The following C8orf34 variants were observed in gnomAD, a reference collection of about 807,000 sequenced individuals.
C8orf34 encodes the protein chromosome 8 open reading frame 34.
In C8orf34, 65 loss-of-function variants were observed where a neutral mutation model predicts 68.3. The ratio of observed to expected loss-of-function variants is 0.95; its 90% confidence interval spans 0.78 to 1.17. C8orf34 has a LOEUF of 1.17. Among genes scored for constraint, C8orf34 ranks in the 50% most tolerant of loss-of-function variants. The pLI, the probability that C8orf34 is intolerant of heterozygous loss-of-function variation, is 0.00. For missense variants in C8orf34, 664 were observed against 655.4 expected (o/e 1.01, Z -0.14); for synonymous variants, 244 against 241.2 (o/e 1.01, Z -0.11).
chr8:68,606,130 G>A (rs1203963708), intron 7 of C8orf34, among the ~76,000 whole-genome samples: 1 of 152,034 alleles, frequency 6.6e-6, no homozygotes. Flanking sequence ...GCAATATGAC[G>A]CATAAATGAT....
intron 7 of C8orf34, chr8:68,534,455 T>A: frequency 1.4e-6 from 1 of 697,070 alleles, no homozygotes; most frequent in Non-Finnish European, 1.8e-6. Flanking sequence ...AATTTTACAT[T>A]GTAATGTTCA....
chr8:68,427,107 G>C (rs572481051), intron 1 of C8orf34, among the ~76,000 whole-genome samples: 1 of 152,206 alleles, frequency 6.6e-6, no homozygotes, highest in East Asian at 1.9e-4. Flanking sequence ...AAATTGCATA[G>C]TGACTCTGAA....
intron 10 of C8orf34, among the ~76,000 whole-genome samples, chr8:68,775,070 GAAAA>G (rs35109353): frequency 8.0e-6 from 1 of 124,268 alleles, no homozygotes. Context: ...GTAAGCCCAG[GAAAA>G]AAAAAAAAAA....
intron 10 of C8orf34, among the ~76,000 whole-genome samples, chr8:68,768,397 C>T (rs774051009): frequency 5.3e-5 from 8 of 152,182 alleles, no homozygotes; most frequent in Non-Finnish European, 1.2e-4. Context: ...CAGGGCTGCT[C>T]ATTGCCCCTG....
chr8:68,593,707 T>A (rs1817462555), intron 7 of C8orf34, among the ~76,000 whole-genome samples: 1 of 152,084 alleles, frequency 6.6e-6, no homozygotes, highest in Admixed American at 6.6e-5. Flanking sequence ...GATTTAGCTA[T>A]CTATTAATCT....
Position 68,592,924 on chromosome 8 carries a change from T to G in C8orf34, c.1106-47452T>G, listed in dbSNP as rs189676742. The stretch of plus-strand genomic sequence containing the variant: ...TCCATCTTTTGTTCTTTTTCTTCTT[T>G]TATTCGATGTGTTGAGCAGTGGCTT... On this transcript the variant is annotated intron_variant, in intron 7 of 13. Transcript: ENST00000518698. Among the ~76,000 whole-genome samples, 3 of 152,234 alleles carry G rather than the reference T, an allele frequency of 2.0e-5. No individual in the cohort carries two copies. In the East Asian group the frequency reaches 5.8e-4, roughly 29 times the overall value.
chr8:68,603,444 C>CCA (rs1817758055), intron 7 of C8orf34, among the ~76,000 whole-genome samples: 1 of 151,734 alleles, frequency 6.6e-6, no homozygotes, highest in Non-Finnish European at 1.5e-5. Context: ...TCCAGTTGTT[C>CCA]ATCTGGAATA....
intron 1 of C8orf34, among the ~76,000 whole-genome samples, chr8:68,429,429 G>A (rs1810362386): frequency 2.0e-5 from 3 of 152,154 alleles, no homozygotes; most frequent in Admixed American, 2.0e-4. Flanking sequence ...GGGAATGCGG[G>A]TGGGAGACAA....
chr8:68,804,625 A>T (rs1284107135), intron 12 of C8orf34, among the ~76,000 whole-genome samples: 2 of 152,092 alleles, frequency 1.3e-5, no homozygotes, highest in Non-Finnish European at 2.9e-5. Flanking sequence ...TACTAAAAGT[A>T]CTTTTAAAAT....
intron 1 of C8orf34, among the ~76,000 whole-genome samples, chr8:68,433,863 T>C (rs1448598574): frequency 6.6e-6 from 1 of 152,216 alleles, no homozygotes; most frequent in South Asian, 2.1e-4. Context: ...ACTTATGGCT[T>C]TGCTTTTATC....
At chr8:68,573,264 T>C (rs919800035) in intron 7 of C8orf34, among the ~76,000 whole-genome samples, 3 of 152,116 alleles carry the variant, frequency 2.0e-5, no homozygotes, top group Admixed American at 1.3e-4. Flanking sequence ...CTTCACTTGA[T>C]GAAATGTGGG....
At chr8:68,590,616 A>C (rs932149751) in intron 7 of C8orf34, among the ~76,000 whole-genome samples, 3 of 152,220 alleles carry the variant, frequency 2.0e-5, no homozygotes, top group Admixed American at 1.3e-4. Flanking sequence ...TTAAACTTTT[A>C]AAAATGAAAT....
chr8:68,658,880 A>G (rs1324544098), intron 8 of C8orf34, among the ~76,000 whole-genome samples: 1 of 152,150 alleles, frequency 6.6e-6, no homozygotes, highest in African/African-American at 2.4e-5. Context: ...GTTTTAAAAT[A>G]TATTGCTTTA....
chr8:68,520,375 T>C lies in C8orf34; in HGVS notation c.766-1424T>C, dbSNP rs904066043. Among the ~76,000 whole-genome samples the C allele has an allele frequency of 2.6e-5, 4 of 152,250 alleles. No homozygotes were observed. The South Asian group carries it at 6.2e-4, about 24-fold the overall frequency. ...TACTGTAAGATTATATTGTATTATA[T>C]TCTGTACTGAAATGTAGAATATGTT... On this transcript the variant is annotated intron_variant, in intron 5 of 13. Coordinates refer to ENST00000518698, the MANE Select transcript of C8orf34 (RefSeq NM_052958.4).
At chr8:68,548,365 A>G (rs1349094894) in intron 7 of C8orf34, among the ~76,000 whole-genome samples, 1 of 151,836 alleles carries the variant, frequency 6.6e-6, no homozygotes, top group African/African-American at 2.4e-5. Flanking sequence ...TAATTAAAAT[A>G]GGCAAGGAAA....
At position 68,714,306 on chromosome 8, in the gene C8orf34, G is replaced by A. The variant is rs116463708; in HGVS notation, c.1327+5227G>A. 1.4e-3 allele frequency among the ~76,000 whole-genome samples: 207 copies of A among 152,082 alleles called. 1 individual carries two copies. The highest frequency in any genetic ancestry group is 4.6e-3 in the African/African-American group (193 of 41,534). The stretch of plus-strand genomic sequence containing the variant: ...TAGCCAGAGCAGTCTGACAAGAGAC[G>A]GAGTAAAGGGCATCCAGAGGAAGTC... On this transcript the variant is annotated intron_variant, in intron 9 of 13. Transcript: ENST00000518698.
chr8:68,624,173 G>A lies in C8orf34; in HGVS notation c.1106-16203G>A, dbSNP rs182673056. On this transcript the variant is annotated intron_variant, in intron 7 of 13. Coordinates refer to ENST00000518698, the MANE Select transcript of C8orf34 (RefSeq NM_052958.4). ...TGTAATCCCAGCTAATTGGGAGGCT[G>A]AGGTAGGAGAATCACTTGAATCTGG... Among the ~76,000 whole-genome samples, 539 of 151,704 alleles carry A rather than the reference G, an allele frequency of 3.6e-3. 6 individuals are homozygous for A. The highest frequency in any genetic ancestry group is 0.012 in the African/African-American group (514 of 41,340).
chr8:68,416,155 G>C (rs1457494520), intron 1 of C8orf34, among the ~76,000 whole-genome samples: 2 of 152,144 alleles, frequency 1.3e-5, no homozygotes, highest in Non-Finnish European at 2.9e-5. Context: ...CTAGGAAGAA[G>C]AACAATGTTA....
At chr8:68,472,157 A>G (rs1812407270) in intron 4 of C8orf34, among the ~76,000 whole-genome samples, 1 of 152,158 alleles carries the variant, frequency 6.6e-6, no homozygotes, top group Non-Finnish European at 1.5e-5. Flanking sequence ...GACGTGTTAG[A>G]ATGATTCCAA....
Sources: gnomAD v4.1 joint callset for allele counts (sites outside exome capture counted in the v4.1 genomes callset) on GRCh38, gnomAD v4.1.1 for gene constraint, MANE v1.5 for transcripts, NCBI Gene and HGNC (gene_info 2026-07-23, HGNC 2026-07-21) for gene names.